Variants in CNTNAP2 observed in about 807,000 individuals in gnomAD.
CNTNAP2 encodes contactin-associated protein-like 2.
Under a neutral mutation model 155.2 loss-of-function variants are expected in CNTNAP2, and 98 were observed. The observed-to-expected ratio is 0.63, with a 90% CI of 0.54 to 0.75. The LOEUF (loss-of-function observed/expected upper bound fraction) is 0.75. CNTNAP2 is among the 30% of genes least tolerant of loss of function. The pLI is 0.00. For missense variants in CNTNAP2, 1,727 were observed against 1,688.1 expected, an observed-to-expected ratio of 1.02 and a Z score of -0.40; for synonymous variants, 651 against 631.2, an observed-to-expected ratio of 1.03 and a Z score of -0.47.
At chr7:146,639,455 A>G (rs141920246) in intron 1 of CNTNAP2, among the ~76,000 whole-genome samples, 2 of 130,372 alleles carry the variant, frequency 1.5e-5, no homozygotes, top group East Asian at 3.9e-4. Flanking sequence ...TGTAAGATAG[A>G]TTCTCTGATT....
At chr7:146,614,614 A>T (rs1261398695) in intron 1 of CNTNAP2, among the ~76,000 whole-genome samples, 4 of 152,290 alleles carry the variant, frequency 2.6e-5, no homozygotes, top group Non-Finnish European at 5.9e-5. Context: ...ACCTGCAGGG[A>T]AAATGGTTAA....
At chr7:146,830,284 A>G (rs1184040984) in intron 2 of CNTNAP2, among the ~76,000 whole-genome samples, 1 of 152,104 alleles carries the variant, frequency 6.6e-6, no homozygotes, top group African/African-American at 2.4e-5. Context: ...GTGGGGCAGA[A>G]TCACTTCTAG....
At chr7:147,772,492 A>C (rs1563083308) in intron 13 of CNTNAP2, among the ~76,000 whole-genome samples, 1 of 124,034 alleles carries the variant, frequency 8.1e-6, no homozygotes, top group Non-Finnish European at 1.7e-5. Flanking sequence ...ATACACACAC[A>C]AAAAAAAAAC....
chr7:148,242,970 G>T (rs905360695), intron 20 of CNTNAP2, among the ~76,000 whole-genome samples: 1 of 152,164 alleles, frequency 6.6e-6, no homozygotes, highest in African/African-American at 2.4e-5. Context: ...GTTAAGGAGA[G>T]GGGCAACAAA....
At chr7:148,175,591 G>C (rs1164015842) in intron 18 of CNTNAP2, among the ~76,000 whole-genome samples, 1 of 152,126 alleles carries the variant, frequency 6.6e-6, no homozygotes, top group African/African-American at 2.4e-5. Flanking sequence ...ATCGGAGGAA[G>C]GGCTGCCTTG....
intron 8 of CNTNAP2, among the ~76,000 whole-genome samples, chr7:147,241,852 A>C (rs997025014): frequency 6.6e-6 from 1 of 152,164 alleles, no homozygotes; most frequent in African/African-American, 2.4e-5. Context: ...ATGATGTTTT[A>C]GTGTAAGTAT....
chr7:146,827,042 T>A (rs1222454427), intron 2 of CNTNAP2, among the ~76,000 whole-genome samples: 1 of 151,902 alleles, frequency 6.6e-6, no homozygotes, highest in Non-Finnish European at 1.5e-5. Context: ...CAATTTGCCT[T>A]ACATAATCTC....
intron 8 of CNTNAP2, among the ~76,000 whole-genome samples, chr7:147,214,560 G>C (rs1803226485): frequency 6.6e-6 from 1 of 152,026 alleles, no homozygotes; most frequent in Non-Finnish European, 1.5e-5. Context: ...AAGATGGTTT[G>C]CTTATATCTC....
chr7:147,724,152 G>A (rs1304900241), intron 13 of CNTNAP2, among the ~76,000 whole-genome samples: 4 of 151,746 alleles, frequency 2.6e-5, no homozygotes, highest in African/African-American at 4.8e-5. Flanking sequence ...AGTTTATTAC[G>A]TTCAAAAAAT....
At chr7:146,641,502 T>C (rs6977655) in intron 1 of CNTNAP2, among the ~76,000 whole-genome samples, 2,627 of 152,290 alleles carry the variant, frequency 0.017, 89 homozygotes, top group African/African-American at 0.059. Context: ...TCTGTTTCAG[T>C]TCTTTTTCCT....
In CNTNAP2 at chr7:147,929,875, A is replaced by T. The variant is rs1800466313; in HGVS notation, c.2255+26154A>T. On this transcript the variant is annotated intron_variant, in intron 14 of 23. Transcript: ENST00000361727. ...GGACAAAACTGTTCCACCTCAGATC[A>T]TCAGGCATTAGTTAGAGTCTCATAA... is the stretch of plus-strand genomic sequence containing the variant. Among the ~76,000 whole-genome samples, 3 of 152,230 alleles carry T rather than the reference A, an allele frequency of 2.0e-5. No homozygotes were observed. The South Asian group carries it at 6.2e-4, about 31-fold the overall frequency.
chr7:146,490,115 T>C (rs1162277993), intron 1 of CNTNAP2, among the ~76,000 whole-genome samples: 3 of 152,148 alleles, frequency 2.0e-5, no homozygotes, highest in Non-Finnish European at 4.4e-5. Flanking sequence ...GGGATTTCAC[T>C]GGGGACCTGC....
intron 14 of CNTNAP2, among the ~76,000 whole-genome samples, chr7:147,933,544 T>A (rs4367455): frequency 0.049 from 3,821 of 77,456 alleles, 91 homozygotes; most frequent in East Asian, 0.12. Flanking sequence ...TAGATAGATA[T>A]AACAGAATAT....
intron 1 of CNTNAP2, among the ~76,000 whole-genome samples, chr7:146,304,742 A>G (rs1800677765): frequency 6.6e-6 from 1 of 151,914 alleles, no homozygotes; most frequent in Non-Finnish European, 1.5e-5. Flanking sequence ...TCTGACAATT[A>G]TGTGTCTTGG....
intron 1 of CNTNAP2, among the ~76,000 whole-genome samples, chr7:146,454,639 C>A (rs901962893): frequency 4.0e-5 from 6 of 151,634 alleles, no homozygotes; most frequent in Admixed American, 6.6e-5. Flanking sequence ...AATAGGTATA[C>A]ATGAATACTG....
In CNTNAP2 at chr7:147,974,937, G is replaced by T. The variant is rs149878484; in HGVS notation, c.2256-2925G>T. ...TGACAATAGAATATTCATTCTTATT[G>T]TTGTATTATATTTTATTTATATAAT... On this transcript the variant is annotated intron_variant, in intron 14 of 23. Transcript: ENST00000361727. 7.1e-3 allele frequency among the ~76,000 whole-genome samples: 1,074 copies of T among 151,146 alleles called. 18 individuals are homozygous for T. Among genetic ancestry groups the T allele is most frequent in the African/African-American group, 0.024 (1,011 of 41,304 alleles).
At chr7:147,905,911 AAAC>A (rs1411899845) in intron 14 of CNTNAP2, among the ~76,000 whole-genome samples, 8 of 146,328 alleles carry the variant, frequency 5.5e-5, no homozygotes, top group Non-Finnish European at 7.6e-5. Context: ...ACAAACAAAC[AAAC>A]AAAAAAAAAC....
chr7:148,330,937 AAT>A (rs1797988032), intron 21 of CNTNAP2, among the ~76,000 whole-genome samples: 1 of 133,246 alleles, frequency 7.5e-6, no homozygotes, highest in African/African-American at 2.9e-5. Flanking sequence ...GGACGGATGG[AAT>A]TGGATGGAGT....
At chr7:146,437,785 C>A (rs968445793) in intron 1 of CNTNAP2, among the ~76,000 whole-genome samples, 2 of 151,414 alleles carry the variant, frequency 1.3e-5, no homozygotes, top group Non-Finnish European at 2.9e-5. Context: ...TTTGGGCACT[C>A]AAATTTGTGA....
Sources: allele counts gnomAD v4.1 joint callset (sites outside exome capture counted in the v4.1 genomes callset), GRCh38; gene constraint gnomAD v4.1.1; transcripts MANE v1.5; gene names NCBI Gene and HGNC (gene_info 2026-07-23, HGNC 2026-07-21).